The following RRAS2 variants were observed in gnomAD, a reference collection of about 807,000 sequenced individuals.
The protein encoded by RRAS2 is RAS related 2, also known as ras-related protein R-Ras2.
Under a neutral mutation model 27.6 loss-of-function variants are expected in RRAS2, and 7 were observed. That is an observed-to-expected ratio of 0.25 (90% confidence interval 0.14 to 0.48). The LOEUF is 0.48. Among genes scored for constraint, RRAS2 ranks in the 20% least tolerant of loss-of-function variants. RRAS2 has a pLI of 0.99. For missense variants in RRAS2, 178 were observed against 256.2 expected (o/e 0.69, Z 2.08); for synonymous variants, 86 against 90.9 (o/e 0.95, Z 0.31).
chr11:14,311,750 C>T (rs1286004198), intron 1 of RRAS2, among the ~76,000 whole-genome samples: 1 of 152,162 alleles, frequency 6.6e-6, no homozygotes, highest in Non-Finnish European at 1.5e-5. Flanking sequence ...TTAAAATGTG[C>T]TTGTTTCACA....
intron 4 of RRAS2, among the ~76,000 whole-genome samples, chr11:14,291,544 A>T (rs998678361): frequency 8.5e-5 from 13 of 152,288 alleles, no homozygotes; most frequent in Non-Finnish European, 1.3e-4. Flanking sequence ...ATGTCTATTT[A>T]TATGGTTTAG....
Position 14,358,769 on chromosome 11 carries a change from G to A in RRAS2, c.102C>T (p.Phe34=). The change falls in exon 1 of 6, where the codon TTC becomes TTT. Residue 34 remains phenylalanine (F), a synonymous_variant. Coordinates refer to ENST00000256196, the MANE Select transcript of RRAS2 (RefSeq NM_012250.6). This position sits in a 1 kb window ranked among gnomAD's most constrained non-coding sequence, Gnocchi z 5.1. ...GCAGGCCCGCTCCAGGTACCTGGAT[G>A]AACTGGATGGTGAGCGCCGACTTGC... ...GVGKSALTIQ[F]IQSYFVTDYD... 6.9e-7 allele frequency: 1 copy of A among 1,447,502 alleles called. No homozygotes were observed. Among genetic ancestry groups the A allele is most frequent in the Non-Finnish European group, 9.2e-7 (1 of 1,089,212 alleles). 89.7% of individuals were successfully genotyped at this position (1,447,502 alleles called of 1,614,324 possible).
intron 1 of RRAS2, among the ~76,000 whole-genome samples, chr11:14,319,407 G>A (rs973013109): frequency 2.1e-4 from 29 of 135,652 alleles, no homozygotes; most frequent in African/African-American, 7.3e-4. Context: ...GCCGGACTGC[G>A]GACTGCAGTG....
At chr11:14,301,324 C>A (rs782720947) in intron 1 of RRAS2, among the ~76,000 whole-genome samples, 1 of 152,028 alleles carries the variant, frequency 6.6e-6, no homozygotes, top group South Asian at 2.1e-4. Flanking sequence ...CCTTTTTTAA[C>A]CCTGAGCTTT....
intron 1 of RRAS2, among the ~76,000 whole-genome samples, chr11:14,327,466 T>TA (rs1202858090): frequency 6.6e-6 from 1 of 152,216 alleles, no homozygotes; most frequent in Admixed American, 6.5e-5. Flanking sequence ...ATGCCCTTCC[T>TA]AAATGTTTAA....
chr11:14,306,647 T>C (rs1334883493), intron 1 of RRAS2, among the ~76,000 whole-genome samples: 1 of 152,142 alleles, frequency 6.6e-6, no homozygotes, highest in Non-Finnish European at 1.5e-5. Context: ...CATCAATCAG[T>C]TGTACTAGCC....
chr11:14,285,976 T>C (rs1554944982), intron 4 of RRAS2, among the ~76,000 whole-genome samples: 1 of 152,238 alleles, frequency 6.6e-6, no homozygotes, highest in Admixed American at 6.5e-5. Context: ...GTGTGTATTT[T>C]TCATCAAATG....
At position 14,278,626 on chromosome 11, in the gene RRAS2, G is replaced by A. The variant is rs1355520744; in HGVS notation, c.*711C>T. 2.0e-5 allele frequency: 3 copies of A among 152,086 alleles called. No homozygotes were observed. The highest frequency in any genetic ancestry group is 6.5e-5 in the Admixed American group (1 of 15,274). The allele number at this position is 152,086 out of a possible 1,614,324, so 9.4% of individuals were successfully genotyped here. A position where few individuals can be genotyped will look rare whatever the true frequency, so the allele number is the denominator to read the frequency against. On this transcript the variant is annotated 3_prime_UTR_variant, in exon 6 of 6. Coordinates refer to ENST00000256196, the MANE Select transcript of RRAS2 (RefSeq NM_012250.6). Reference sequence around the variant, plus strand: ...GAAATTATTCCTTTTTACCCTTAGCGTGGCTGTGAAAAAGAGTTAAATTAA... The same window carrying A: ...GAAATTATTCCTTTTTACCCTTAGCATGGCTGTGAAAAAGAGTTAAATTAA...
At chr11:14,332,222 T>C (rs1021636203) in intron 1 of RRAS2, among the ~76,000 whole-genome samples, 1 of 152,242 alleles carries the variant, frequency 6.6e-6, no homozygotes, top group South Asian at 2.1e-4. Flanking sequence ...TGTACATCAA[T>C]GTCTGGGGCA....
At chr11:14,340,940 G>C (rs531904776) in intron 1 of RRAS2, among the ~76,000 whole-genome samples, 2 of 152,214 alleles carry the variant, frequency 1.3e-5, no homozygotes, top group East Asian at 3.9e-4. Context: ...CAAGAACACA[G>C]AATTCCTTTT....
chr11:14,358,540 G>A lies in RRAS2; in HGVS notation c.108+223C>T, dbSNP rs1849132561. ...GCTCCGCCCTCCCGACCACATTCCT[G>A]AGAAGCCCTACTCCCGCGACGCCGC... On this transcript the variant is annotated intron_variant, in intron 1 of 5. Transcript: ENST00000256196. The surrounding 1 kb of genome is among the most constrained non-coding windows in gnomAD (Gnocchi z 5.1). 1.1e-5 allele frequency: 11 copies of A among 986,250 alleles called. No individual in the cohort carries two copies. Among genetic ancestry groups the A allele is most frequent in the African/African-American group, 1.7e-5 (1 of 57,218 alleles). The allele number at this position is 986,250 out of a possible 1,614,324, so 61.1% of individuals were successfully genotyped here. A position where few individuals can be genotyped will look rare whatever the true frequency, so the allele number is the denominator to read the frequency against.
At chr11:14,342,367 G>A (rs1359134004) in intron 1 of RRAS2, among the ~76,000 whole-genome samples, 1 of 152,196 alleles carries the variant, frequency 6.6e-6, no homozygotes, top group Admixed American at 6.5e-5. Context: ...TCCCAAGCCT[G>A]CATTTCCTCA....
At chr11:14,312,250 A>C (rs1847987442) in intron 1 of RRAS2, among the ~76,000 whole-genome samples, 1 of 152,246 alleles carries the variant, frequency 6.6e-6, no homozygotes, top group African/African-American at 2.4e-5. Flanking sequence ...ACAGCATAGC[A>C]AACAGCCATT....
Position 14,294,651 on chromosome 11 carries a change from C to T in RRAS2, c.300-72G>A, listed in dbSNP as rs1372938461. ...TCAGAATTCAGCAAGTCTCATGCCC[C>T]AATTAGTACTTTATTTTTCCTTTTT... is the stretch of plus-strand genomic sequence containing the variant. On this transcript the variant is annotated intron_variant, in intron 3 of 5. Transcript: ENST00000256196. 4 of 1,440,840 alleles carry T rather than the reference C, an allele frequency of 2.8e-6. No individual in the cohort carries two copies. The East Asian group carries it at 9.1e-5, about 33-fold the overall frequency. The allele number at this position is 1,440,840 out of a possible 1,614,324, so 89.3% of individuals were successfully genotyped here. A position where few individuals can be genotyped will look rare whatever the true frequency, so the allele number is the denominator to read the frequency against.
Position 14,295,862 on chromosome 11 carries a change from G to T in RRAS2, c.109-7C>A, listed in dbSNP as rs564675458. On this transcript the variant is annotated splice_region_variant and splice_polypyrimidine_tract_variant and intron_variant, in intron 1 of 5. Transcript: ENST00000256196. Reference sequence around the variant, plus strand: ...AATCCGTTACAAAATAGGACTGCAAGAAAAGAAAAAACTTTATTTTAAAAT... The same window carrying T: ...AATCCGTTACAAAATAGGACTGCAATAAAAGAAAAAACTTTATTTTAAAAT... 49 of 1,611,092 alleles carry T rather than the reference G, an allele frequency of 3.0e-5. No homozygotes were observed. The South Asian group carries it at 5.0e-4, about 16-fold the overall frequency.
At chr11:14,356,331 C>T (rs1474503703) in intron 1 of RRAS2, among the ~76,000 whole-genome samples, 1 of 152,170 alleles carries the variant, frequency 6.6e-6, no homozygotes, top group Non-Finnish European at 1.5e-5. Context: ...ATTCTCCCCA[C>T]CACCAAGCCT....
intron 1 of RRAS2, among the ~76,000 whole-genome samples, chr11:14,311,539 G>C (rs1252695771): frequency 6.6e-6 from 1 of 151,698 alleles, no homozygotes; most frequent in Non-Finnish European, 1.5e-5. Flanking sequence ...GCTAATTTTT[G>C]TATTTTCAGT....
At chr11:14,323,912 T>C (rs1327107969) in intron 1 of RRAS2, among the ~76,000 whole-genome samples, 3 of 150,464 alleles carry the variant, frequency 2.0e-5, no homozygotes, top group African/African-American at 7.3e-5. Context: ...TAATTCACCA[T>C]ATGAACAGAC....
chr11:14,340,128 T>TTG (rs1848673038), intron 1 of RRAS2, among the ~76,000 whole-genome samples: 1 of 133,816 alleles, frequency 7.5e-6, no homozygotes, highest in Non-Finnish European at 1.6e-5. Context: ...ACAGAGTCTG[T>TTG]CCCTCTGTCT....
Sources: gnomAD v4.1 joint callset for allele counts (sites outside exome capture counted in the v4.1 genomes callset) on GRCh38, gnomAD v4.1.1 for gene constraint, Gnocchi (gnomAD v3.1) non-coding constraint, MANE v1.5 for transcripts, NCBI Gene and HGNC (gene_info 2026-07-23, HGNC 2026-07-21) for gene names.